The following ACTR3B variants were observed in gnomAD, a reference collection of about 807,000 sequenced individuals.
ACTR3B encodes actin related protein 3B, also known as actin-related protein 3B.
Under a neutral mutation model 59.0 loss-of-function variants are expected in ACTR3B, and 8 were observed. That is an observed-to-expected ratio of 0.14 (90% CI 0.08 to 0.24). ACTR3B has a LOEUF of 0.24. Among genes scored for constraint, ACTR3B ranks in the 10% least tolerant of loss-of-function variants. The probability of loss-of-function intolerance (pLI) is 1.00; values close to 1 mark genes in which losing one functional copy is unlikely to be tolerated. For missense variants in ACTR3B, 245 were observed against 552.3 expected (o/e 0.44, Z 5.58); for synonymous variants, 148 against 197.9 (o/e 0.75, Z 2.12).
At chr7:152,822,507 CGCA>C (rs991611362) in intron 7 of ACTR3B, among the ~76,000 whole-genome samples, 23 of 152,210 alleles carry the variant, frequency 1.5e-4, no homozygotes, top group African/African-American at 5.5e-4. Context: ...CGACTTCTCT[CGCA>C]GCAGCAGCAG....
At chr7:152,830,732 G>C (rs533678428) in intron 9 of ACTR3B, among the ~76,000 whole-genome samples, 2 of 151,902 alleles carry the variant, frequency 1.3e-5, no homozygotes, top group South Asian at 4.2e-4. Context: ...ATTTTTTTTT[G>C]TAGAGTTGAG....
rs1249004499 is a variant in ACTR3B, at chr7:152,773,403, A to G, written c.45-9784A>G. ...AGAGTTCGAGACCAGCCTGGCCAAC[A>G]TGGTGAAACCCCGTCTCTACTAAAA... On this transcript the variant is annotated intron_variant, in intron 1 of 11. Coordinates refer to ENST00000256001, the MANE Select transcript of ACTR3B (RefSeq NM_020445.6). 2.0e-5 allele frequency among the ~76,000 whole-genome samples: 3 copies of G among 152,240 alleles called. No individual in the cohort carries two copies. The East Asian group carries it at 5.8e-4, about 29-fold the overall frequency.
chr7:152,828,805 A>G (rs1796788073), intron 9 of ACTR3B, among the ~76,000 whole-genome samples: 1 of 151,884 alleles, frequency 6.6e-6, no homozygotes, highest in Non-Finnish European at 1.5e-5. Context: ...CTGGTTCCAC[A>G]GCCTCATTTG....
intron 2 of ACTR3B, among the ~76,000 whole-genome samples, chr7:152,789,241 A>T (rs1478953824): frequency 6.7e-6 from 1 of 149,616 alleles, no homozygotes; most frequent in East Asian, 1.9e-4. Flanking sequence ...AATAAAAATA[A>T]ATTAGCTACG....
intron 1 of ACTR3B, among the ~76,000 whole-genome samples, chr7:152,771,891 C>T (rs974059898): frequency 6.6e-6 from 1 of 152,026 alleles, no homozygotes; most frequent in Admixed American, 6.6e-5. Context: ...CATGGAGAAA[C>T]CCCATCTCTA....
At chr7:152,796,066 A>T (rs2098215559) in intron 2 of ACTR3B, among the ~76,000 whole-genome samples, 1 of 152,028 alleles carries the variant, frequency 6.6e-6, no homozygotes, top group Admixed American at 6.6e-5. Flanking sequence ...GCTGGTCTTG[A>T]ACTCCTGATC....
At chr7:152,812,464 A>G (rs1168424900) in intron 4 of ACTR3B, 2 of 129,642 alleles carry the variant, frequency 1.5e-5, no homozygotes, top group Admixed American at 8.9e-5. Context: ...ATTTTGGCTC[A>G]TGGGAATGAA....
chr7:152,760,022 C>T, intron 1 of ACTR3B, 96 bp downstream of exon 1: 2 of 1,149,290 alleles, frequency 1.7e-6, no homozygotes, highest in Non-Finnish European at 2.2e-6. Context: ...GTCCGTCGCC[C>T]CGGGCTTGAG....
At chr7:152,795,244 A>C (rs2098212305) in intron 2 of ACTR3B, among the ~76,000 whole-genome samples, 1 of 152,124 alleles carries the variant, frequency 6.6e-6, no homozygotes, top group South Asian at 2.1e-4. Flanking sequence ...ATGGGGTTTC[A>C]CCATGTTGGC....
intron 1 of ACTR3B, among the ~76,000 whole-genome samples, chr7:152,781,772 G>C (rs567040981): frequency 7.9e-5 from 12 of 152,244 alleles, no homozygotes; most frequent in Non-Finnish European, 1.5e-4. Flanking sequence ...CTCCACCCTG[G>C]GTTGGCTCTT....
At chr7:152,810,408 G>GTTTTT (rs1165466125) in intron 4 of ACTR3B, among the ~76,000 whole-genome samples, 6 of 126,914 alleles carry the variant, frequency 4.7e-5, no homozygotes, top group Non-Finnish European at 8.2e-5. Context: ...CACCCAGCCT[G>GTTTTT]TTTTTTTTTT....
At chr7:152,815,694 A>G (rs1262514230) in intron 5 of ACTR3B, among the ~76,000 whole-genome samples, 2 of 152,104 alleles carry the variant, frequency 1.3e-5, no homozygotes, top group African/African-American at 4.8e-5. Flanking sequence ...AGAAAATGGT[A>G]CCAGATATTG....
intron 6 of ACTR3B, among the ~76,000 whole-genome samples, chr7:152,818,194 C>G (rs981934105): frequency 6.6e-6 from 1 of 152,326 alleles, no homozygotes; most frequent in African/African-American, 2.4e-5. Flanking sequence ...CCTGCACCCC[C>G]TTTGGTTCTT....
intron 9 of ACTR3B, among the ~76,000 whole-genome samples, chr7:152,848,340 GC>G (rs1421684428): frequency 1.3e-5 from 2 of 152,178 alleles, no homozygotes; most frequent in African/African-American, 4.8e-5. Flanking sequence ...TGACATATGG[GC>G]TGTTAGGAGA....
intron 2 of ACTR3B, among the ~76,000 whole-genome samples, chr7:152,784,308 CA>C (rs954894251): frequency 4.1e-4 from 63 of 152,228 alleles, no homozygotes; most frequent in African/African-American, 1.4e-3. Flanking sequence ...GGAACGTCGA[CA>C]GGGAAAAAAC....
intron 10 of ACTR3B, 100 bp from the exon 11 acceptor site, chr7:152,853,394 A>G: frequency 1.0e-6 from 1 of 996,314 alleles, no homozygotes; most frequent in Non-Finnish European, 1.6e-6. Context: ...CCATAAGAGG[A>G]GGGCGGCCCT....
chr7:152,788,025 A>C (rs1042804845), intron 2 of ACTR3B, among the ~76,000 whole-genome samples: 1 of 152,100 alleles, frequency 6.6e-6, no homozygotes, highest in East Asian at 1.9e-4. Context: ...CCCAGGTTCA[A>C]ATGATTCTCC....
At chr7:152,852,984 G>T (rs564860208) in intron 10 of ACTR3B, among the ~76,000 whole-genome samples, 30 of 151,946 alleles carry the variant, frequency 2.0e-4, no homozygotes, top group African/African-American at 7.2e-4. Flanking sequence ...GTAGAGATGG[G>T]GTTTCACCGT....
chr7:152,850,896 C>T (rs769652017), intron 9 of ACTR3B, among the ~76,000 whole-genome samples: 4 of 152,114 alleles, frequency 2.6e-5, no homozygotes, highest in Admixed American at 6.5e-5. Context: ...CTCAGGAACT[C>T]GGGAAGAGCT....
Sources: allele counts gnomAD v4.1 joint callset (sites outside exome capture counted in the v4.1 genomes callset), GRCh38; gene constraint gnomAD v4.1.1; transcripts MANE v1.5; gene names NCBI Gene and HGNC (gene_info 2026-07-23, HGNC 2026-07-21).